Variants in TRPM3 observed in about 807,000 individuals in gnomAD.
TRPM3 encodes long transient receptor potential channel 3.
In TRPM3, 77 loss-of-function variants were observed where a neutral mutation model predicts 181.2. That is an observed-to-expected ratio of 0.42 (90% CI 0.35 to 0.51). TRPM3 has a LOEUF of 0.51. TRPM3 is among the 20% of genes least tolerant of loss of function. The pLI, the probability that TRPM3 is intolerant of heterozygous loss-of-function variation, is 0.01. For synonymous variants in TRPM3, 745 were observed against 796.4 expected (o/e 0.94, Z 1.09); for missense variants, 1,759 against 2,196.7 (o/e 0.80, Z 3.98).
At chr9:70,673,023 A>T (rs1030973710) in intron 9 of TRPM3, among the ~76,000 whole-genome samples, 9 of 152,158 alleles carry the variant, frequency 5.9e-5, no homozygotes, top group African/African-American at 2.2e-4. Context: ...CCAAAGCCTA[A>T]TGTATGCAAT....
intron 1 of TRPM3, among the ~76,000 whole-genome samples, chr9:70,890,025 A>ACT (rs2096171731): frequency 6.8e-6 from 1 of 148,148 alleles, no homozygotes; most frequent in South Asian, 2.1e-4. Context: ...TAGCATATAT[A>ACT]AATATATACA....
At chr9:71,062,969 A>G (rs902074460) in intron 1 of TRPM3, among the ~76,000 whole-genome samples, 2 of 152,170 alleles carry the variant, frequency 1.3e-5, no homozygotes, top group African/African-American at 2.4e-5. Context: ...ATTGTGTTAT[A>G]ACAACACAAA....
intron 1 of TRPM3, among the ~76,000 whole-genome samples, chr9:70,905,368 A>C (rs2096448435): frequency 6.6e-6 from 1 of 152,242 alleles, no homozygotes; most frequent in Non-Finnish European, 1.5e-5. Context: ...AACGAATGTA[A>C]TGAAAAGTCT....
At chr9:71,054,264 G>A (rs1270050070) in intron 1 of TRPM3, among the ~76,000 whole-genome samples, 1 of 152,110 alleles carries the variant, frequency 6.6e-6, no homozygotes, top group Non-Finnish European at 1.5e-5. Flanking sequence ...GGCTGATTTT[G>A]TGGACTGGCT....
intron 9 of TRPM3, among the ~76,000 whole-genome samples, chr9:70,668,498 AC>A (rs2062201285): frequency 6.6e-6 from 1 of 151,900 alleles, no homozygotes; most frequent in Non-Finnish European, 1.5e-5. Flanking sequence ...CCCCGTCTCT[AC>A]TAAAAAATAC....
chr9:71,417,724 C>G (rs1303686836), intron 1 of TRPM3, among the ~76,000 whole-genome samples: 1 of 151,882 alleles, frequency 6.6e-6, no homozygotes, highest in South Asian at 2.1e-4. Context: ...TATTATTTCA[C>G]ATAGACTTCT....
At chr9:71,139,373 T>C (rs1390101198) in intron 1 of TRPM3, among the ~76,000 whole-genome samples, 1 of 152,174 alleles carries the variant, frequency 6.6e-6, no homozygotes, top group African/African-American at 2.4e-5. Context: ...GTGTTCAAAA[T>C]AATTAAAACA....
At chr9:71,158,896 T>C (rs2076135327) in intron 1 of TRPM3, among the ~76,000 whole-genome samples, 1 of 152,076 alleles carries the variant, frequency 6.6e-6, no homozygotes, top group South Asian at 2.1e-4. Context: ...GCCTGACTGC[T>C]TGAGCTCTGA....
intron 1 of TRPM3, among the ~76,000 whole-genome samples, chr9:71,418,916 A>ATG (rs35207861): frequency 4.1e-4 from 27 of 66,298 alleles, no homozygotes; most frequent in African/African-American, 8.0e-4. Flanking sequence ...GTGTATATAT[A>ATG]TGTGTGTGTG....
chr9:70,550,705 C>T (rs999965949), intron 24 of TRPM3, among the ~76,000 whole-genome samples: 2 of 152,190 alleles, frequency 1.3e-5, no homozygotes, highest in Non-Finnish European at 2.9e-5. Flanking sequence ...ATATTTGGAG[C>T]CCTGGATTTT....
chr9:71,112,155 C>A (rs1489193947), intron 1 of TRPM3, among the ~76,000 whole-genome samples: 2 of 152,150 alleles, frequency 1.3e-5, no homozygotes, highest in Non-Finnish European at 2.9e-5. Context: ...GTGGCCCCAG[C>A]AAGTTTAACA....
chr9:71,066,528 T>C (rs953095900), intron 1 of TRPM3, among the ~76,000 whole-genome samples: 3 of 152,186 alleles, frequency 2.0e-5, no homozygotes, highest in African/African-American at 7.2e-5. Flanking sequence ...GCAGATAGGA[T>C]GCAGTCGTTA....
chr9:70,765,412 GA>G (rs564278426), intron 7 of TRPM3, among the ~76,000 whole-genome samples: 1,662 of 152,108 alleles, frequency 0.011, 14 homozygotes, highest in Non-Finnish European at 0.02. Context: ...CCAACATATT[GA>G]AACCCCACCT....
chr9:70,966,820 A>G (rs756426985), intron 1 of TRPM3, among the ~76,000 whole-genome samples: 5 of 152,072 alleles, frequency 3.3e-5, no homozygotes, highest in Non-Finnish European at 5.9e-5. Flanking sequence ...AATAATCTGT[A>G]CAACAAATCT....
At position 71,121,510 on chromosome 9, in the gene TRPM3, G is replaced by A; in HGVS notation, c.-156C>T. The A allele has an allele frequency of 1.4e-6, 2 of 1,410,714 alleles. No homozygotes were observed. Among genetic ancestry groups the A allele is most frequent in the East Asian group, 2.6e-5 (1 of 38,994 alleles). The allele number at this position is 1,410,714 out of a possible 1,614,324, so 87.4% of individuals were successfully genotyped here. ...GTGCTCATGCATACCAAATGTGGCT[G>A]AATGGAGGCACACTGCCTGCTGCTT... is the stretch of plus-strand genomic sequence containing the variant. On this transcript the variant is annotated 5_prime_UTR_variant, in exon 1 of 26. Coordinates refer to ENST00000677713, the MANE Select transcript of TRPM3 (RefSeq NM_001366145.2).
Position 70,822,759 on chromosome 9 carries a change from T to TTGTGTGTGTGTG in TRPM3, c.973+5076_973+5087dup, listed in dbSNP as rs113090222. 2.0e-3 allele frequency among the ~76,000 whole-genome samples: 301 copies of TTGTGTGTGTGTG among 147,208 alleles called. 1 individual carries two copies. The highest frequency in any genetic ancestry group is 6.9e-3 in the African/African-American group (274 of 39,588). On this transcript the variant is annotated intron_variant, in intron 6 of 25. Transcript: ENST00000677713. ...ACAGTTTCAAAAACAAAGATTTGTCTTGTGTGTGTGTGTGTGTGTGTGTGT... is the reference window on the plus strand; with the variant it reads ...ACAGTTTCAAAAACAAAGATTTGTCTTGTGTGTGTGTGTGTGTGTGTGTGTGTGTGTGTGTGT...
chr9:70,828,755 C>T (rs1397043263), intron 5 of TRPM3, among the ~76,000 whole-genome samples: 1 of 143,498 alleles, frequency 7.0e-6, no homozygotes, highest in Non-Finnish European at 1.5e-5. Flanking sequence ...GCTAGTTGCT[C>T]TATACATGTT....
rs542049230 is a variant in TRPM3, at chr9:71,374,785, C to T, written c.183+71868G>A. Among the ~76,000 whole-genome samples the T allele has an allele frequency of 2.6e-5, 4 of 152,254 alleles. No homozygotes were observed. The South Asian group carries it at 8.3e-4, about 32-fold the overall frequency. ...AAAATTAATGTGCAGAAATTGCTAG[C>T]ATTCCTATACATCAACAACAGACAA... is the stretch of plus-strand genomic sequence containing the variant. On this transcript the variant is annotated intron_variant, in intron 1 of 24. Transcript: ENST00000357533.
At chr9:71,066,147 G>A (rs1036636832) in intron 1 of TRPM3, among the ~76,000 whole-genome samples, 8 of 152,084 alleles carry the variant, frequency 5.3e-5, no homozygotes, top group African/African-American at 1.9e-4. Context: ...TATGTTTAAA[G>A]TTAGAAAAAA....
Sources: allele counts gnomAD v4.1 joint callset (sites outside exome capture counted in the v4.1 genomes callset), GRCh38; gene constraint gnomAD v4.1.1; transcripts MANE v1.5; gene names NCBI Gene and HGNC (gene_info 2026-07-23, HGNC 2026-07-21).